DMD: variants seen among roughly 807,000 people sequenced by gnomAD.
The protein encoded by DMD is mutant dystrophin.
Under a neutral mutation model 330.1 loss-of-function variants are expected in DMD, and 63 were observed. That is an observed-to-expected ratio of 0.19 (90% CI 0.16 to 0.24). The LOEUF is 0.24. Among genes scored for constraint, DMD ranks in the 10% least tolerant of loss-of-function variants. The pLI, the probability that DMD is intolerant of heterozygous loss-of-function variation, is 1.00. For missense variants in DMD, 3,344 were observed against 2,684.1 expected (o/e 1.25, Z -5.43); for synonymous variants, 1,223 against 959.8 (o/e 1.27, Z -5.07).
intron 55 of DMD, among the ~76,000 whole-genome samples, chrX:31,549,004 T>C (rs1179202258): frequency 1.8e-5 from 2 of 110,988 alleles, no homozygotes; most frequent in Non-Finnish European, 3.8e-5. Context: ...TATGTATGAA[T>C]GTGCTAAACA....
At chrX:32,339,397 G>C (rs2097730543) in intron 41 of DMD, among the ~76,000 whole-genome samples, 1 of 111,944 alleles carries the variant, frequency 8.9e-6, no homozygotes, top group Non-Finnish European at 1.9e-5. Context: ...TCCTAATTAA[G>C]GCAGGAGTTC....
At chrX:31,396,251 C>T (rs748375485) in intron 60 of DMD, among the ~76,000 whole-genome samples, 1 of 109,378 alleles carries the variant, frequency 9.1e-6, no homozygotes, top group East Asian at 2.9e-4. Flanking sequence ...CATTCTCCTG[C>T]CTCAGCCTCC....
chrX:31,833,560 G>T (rs992862293), intron 49 of DMD, among the ~76,000 whole-genome samples: 5 of 111,626 alleles, frequency 4.5e-5, no homozygotes, highest in African/African-American at 1.6e-4. Flanking sequence ...AGAAAATAAA[G>T]AAGTTGGTTA....
intron 67 of DMD, among the ~76,000 whole-genome samples, chrX:31,196,648 C>A (rs768065478): frequency 1.4e-4 from 15 of 107,923 alleles, no homozygotes; most frequent in Non-Finnish European, 2.5e-4. Flanking sequence ...CATGGTGAAA[C>A]CTTCTCTATT....
In DMD at chrX:32,707,687, A is replaced by G. The variant is rs902241172; in HGVS notation, c.650-8394T>C. ...ATGTTAAATATATTTTATTTGAAAA[A>G]TACATCCTTGACTATTTAAATCCTT... is the stretch of plus-strand genomic sequence containing the variant. On this transcript the variant is annotated intron_variant, in intron 7 of 78. Transcript: ENST00000357033. 1.9e-3 allele frequency among the ~76,000 whole-genome samples: 212 copies of G among 111,993 alleles called. 1 individual carries two copies. Among genetic ancestry groups the G allele is most frequent in the African/African-American group, 6.7e-3 (205 of 30,818 alleles).
chrX:32,061,244 G>A, intron 44 of DMD, among the ~76,000 whole-genome samples: 1 of 110,692 alleles, frequency 9.0e-6, no homozygotes, highest in East Asian at 2.8e-4. Flanking sequence ...GGTGGGTCAG[G>A]CTAGTACATG....
intron 62 of DMD, among the ~76,000 whole-genome samples, chrX:31,313,318 G>C (rs1188321864): frequency 9.0e-6 from 1 of 110,658 alleles, no homozygotes; most frequent in East Asian, 2.8e-4. Flanking sequence ...TCTGCAACTT[G>C]ATTGCGAAGA....
intron 60 of DMD, among the ~76,000 whole-genome samples, chrX:31,362,188 G>A (rs182870341): frequency 1.7e-4 from 19 of 112,446 alleles, no homozygotes; most frequent in Non-Finnish European, 3.2e-4. Context: ...TTTTGCATGA[G>A]TAAAGGGCTA....
intron 17 of DMD, 145 bp downstream of exon 17, chrX:32,545,014 T>G: frequency 5.6e-6 from 3 of 533,801 alleles, no homozygotes; most frequent in Non-Finnish European, 9.3e-6. Flanking sequence ...AAAATGTACT[T>G]CATAATTTTT....
At chrX:31,405,109 C>A (rs1470373188) in intron 60 of DMD, among the ~76,000 whole-genome samples, 2 of 111,714 alleles carry the variant, frequency 1.8e-5, no homozygotes, top group Non-Finnish European at 3.8e-5. Context: ...ACAATGGCCA[C>A]AGAAACAAGA....
chrX:32,596,084 G>C (rs898205892), intron 12 of DMD, among the ~76,000 whole-genome samples: 11 of 111,174 alleles, frequency 9.9e-5, no homozygotes, highest in Admixed American at 1.9e-4. Flanking sequence ...AAAGTATCTA[G>C]AGAAGACAAA....
intron 12 of DMD, among the ~76,000 whole-genome samples, chrX:32,597,490 G>A (rs1411769499): frequency 1.8e-5 from 2 of 111,576 alleles, no homozygotes; most frequent in Non-Finnish European, 3.8e-5. Flanking sequence ...ATAATAGGAA[G>A]AATTAGTGAT....
chrX:32,605,348 G>C (rs779265232), intron 12 of DMD, among the ~76,000 whole-genome samples: 2 of 110,691 alleles, frequency 1.8e-5, no homozygotes, highest in Middle Eastern at 4.6e-3. Context: ...ATATTGGATA[G>C]TCATAAGCAG....
intron 21 of DMD, among the ~76,000 whole-genome samples, chrX:32,476,763 A>G (rs2041277103): frequency 9.0e-6 from 1 of 111,715 alleles, no homozygotes; most frequent in Admixed American, 9.5e-5. Context: ...CAAACACAGT[A>G]TGAGCTGCCC....
chrX:32,752,972 A>G (rs974618932), intron 7 of DMD, among the ~76,000 whole-genome samples: 1 of 110,998 alleles, frequency 9.0e-6, no homozygotes, highest in Non-Finnish European at 1.9e-5. Context: ...TTTTTGCTGT[A>G]TAAATTACCC....
At position 31,182,636 on chromosome X, in the gene DMD, G is replaced by A. The variant is rs186952006; in HGVS notation, c.9974+102C>T. The A allele has an allele frequency of 1.1e-3, 855 of 800,945 alleles. 1 individual carries two copies. The highest frequency in any genetic ancestry group is 1.5e-3 in the Non-Finnish European group (797 of 529,485). 66.0% of individuals were successfully genotyped at this position (800,945 alleles called of 1,213,427 possible). A position where few individuals can be genotyped will look rare whatever the true frequency, so the allele number is the denominator to read the frequency against. ...TCACCTTCTCTCCCACTTTGGAGACGGTACGAACTAACAGCAACTGGCACA... is the reference window on the plus strand; with the variant it reads ...TCACCTTCTCTCCCACTTTGGAGACAGTACGAACTAACAGCAACTGGCACA... On this transcript the variant is annotated intron_variant, in intron 68 of 78. Coordinates refer to ENST00000357033, the MANE Select transcript of DMD (RefSeq NM_004006.3).
chrX:32,350,021 T>C (rs890707526), intron 37 of DMD, among the ~76,000 whole-genome samples: 1 of 111,562 alleles, frequency 9.0e-6, no homozygotes, highest in African/African-American at 3.2e-5. Context: ...GGTGATATTT[T>C]ATGTTATTAA....
At chrX:32,339,406 T>C (rs1603631150) in intron 41 of DMD, among the ~76,000 whole-genome samples, 2 of 111,746 alleles carry the variant, frequency 1.8e-5, no homozygotes, top group African/African-American at 6.5e-5. Context: ...AGGCAGGAGT[T>C]CTCTCATTTT....
chrX:32,343,372 T>A lies in DMD; in HGVS notation c.5587-86A>T, dbSNP rs2097753898. On this transcript the variant is annotated intron_variant, in intron 39 of 78. Transcript: ENST00000357033. The stretch of plus-strand genomic sequence containing the variant: ...CAGTTATTTATCAAAATAATTTGCG[T>A]CCCTCATCTTTTTGTACAACTTAGG... 1.3e-5 allele frequency: 11 copies of A among 879,242 alleles called. No individual in the cohort carries two copies. In the South Asian group the frequency reaches 2.3e-4, roughly 18 times the overall value. The allele number at this position is 879,242 out of a possible 1,213,427, so 72.5% of individuals were successfully genotyped here.
Sources: gnomAD v4.1 joint callset for allele counts (sites outside exome capture counted in the v4.1 genomes callset) on GRCh38, gnomAD v4.1.1 for gene constraint, MANE v1.5 for transcripts, NCBI Gene and HGNC (gene_info 2026-07-23, HGNC 2026-07-21) for gene names.